The following RAB3C variants were observed in gnomAD, a reference collection of about 807,000 sequenced individuals.
RAB3C encodes ras-related protein Rab-3C.
RAB3C carries 17 observed loss-of-function variants against 26.4 expected under a neutral mutation model. The observed-to-expected ratio is 0.64, with a 90% CI of 0.44 to 0.97. RAB3C has a LOEUF of 0.97. Among genes scored for constraint, RAB3C ranks in the 50% least tolerant of loss-of-function variants. RAB3C has a pLI of 0.00. For missense variants in RAB3C, 242 were observed against 281.9 expected, an observed-to-expected ratio of 0.86 and a Z score of 1.01; for synonymous variants, 91 against 95.9, an observed-to-expected ratio of 0.95 and a Z score of 0.30.
chr5:58,758,616 T>C (rs1741726665), intron 3 of RAB3C, among the ~76,000 whole-genome samples: 1 of 152,180 alleles, frequency 6.6e-6, no homozygotes, highest in African/African-American at 2.4e-5. Context: ...CTTAGGGAAT[T>C]TGCAATCAAA....
rs1179971136 is a variant in RAB3C at position 58,854,156 on chromosome 5, A to G, written c.*2805A>G. Reference sequence around the variant, plus strand: ...AATGGCCTAACTAAATTTATATTTAAAAGAACAAGACTTTTAAAAAGTACA... The same window carrying G: ...AATGGCCTAACTAAATTTATATTTAGAAGAACAAGACTTTTAAAAAGTACA... On this transcript the variant is annotated 3_prime_UTR_variant, in exon 5 of 5. Coordinates refer to ENST00000282878, the MANE Select transcript of RAB3C (RefSeq NM_138453.4). The G allele has an allele frequency of 1.3e-5, 2 of 152,122 alleles. No homozygotes were observed. The highest frequency in any genetic ancestry group is 2.4e-5 in the African/African-American group (1 of 41,428). The allele number at this position is 152,122 out of a possible 1,614,324, so 9.4% of individuals were successfully genotyped here. A position where few individuals can be genotyped will look rare whatever the true frequency, so the allele number is the denominator to read the frequency against.
intron 3 of RAB3C, among the ~76,000 whole-genome samples, chr5:58,797,388 TATATATATAC>T (rs1561133601): frequency 2.8e-5 from 3 of 108,842 alleles, no homozygotes; most frequent in African/African-American, 6.9e-5. Context: ...TATATATATA[TATATATATAC>T]ACAGAGAGAG....
intron 2 of RAB3C, among the ~76,000 whole-genome samples, chr5:58,682,058 A>G (rs939950021): frequency 6.6e-6 from 1 of 152,180 alleles, no homozygotes. Context: ...ATTATCAAGA[A>G]GTGATATGTC....
chr5:58,623,670 T>C (rs1746981184), intron 2 of RAB3C, among the ~76,000 whole-genome samples: 1 of 152,234 alleles, frequency 6.6e-6, no homozygotes, highest in Non-Finnish European at 1.5e-5. Context: ...ACCACTCTTC[T>C]CAGCATTGAC....
intron 3 of RAB3C, among the ~76,000 whole-genome samples, chr5:58,820,241 T>G (rs1333064523): frequency 6.6e-6 from 1 of 151,658 alleles, no homozygotes; most frequent in Non-Finnish European, 1.5e-5. Context: ...TCTTTCAGAA[T>G]GCATGAAAGG....
In RAB3C at chr5:58,852,910, C is replaced by G. The variant is rs1352036406; in HGVS notation, c.*1559C>G. ...AGGCTTCCCATGAAAGTATTGGATG[C>G]AAATGAAACAGGCATACATCTAAAG... On this transcript the variant is annotated 3_prime_UTR_variant, in exon 5 of 5. Coordinates refer to ENST00000282878, the MANE Select transcript of RAB3C (RefSeq NM_138453.4). 1 of 152,068 alleles carries G rather than the reference C, an allele frequency of 6.6e-6. No individual in the cohort carries two copies. The highest frequency in any genetic ancestry group is 2.4e-5 in the African/African-American group (1 of 41,410). The allele number at this position is 152,068 out of a possible 1,614,324, so 9.4% of individuals were successfully genotyped here. A position where few individuals can be genotyped will look rare whatever the true frequency, so the allele number is the denominator to read the frequency against.
At chr5:58,629,970 C>T (rs984807744) in intron 2 of RAB3C, among the ~76,000 whole-genome samples, 4 of 152,138 alleles carry the variant, frequency 2.6e-5, no homozygotes, top group Non-Finnish European at 5.9e-5. Flanking sequence ...AGGTTGGTTT[C>T]CTGGGAAGGT....
intron 2 of RAB3C, among the ~76,000 whole-genome samples, chr5:58,657,052 C>T (rs1219176737): frequency 6.6e-6 from 1 of 152,160 alleles, no homozygotes; most frequent in African/African-American, 2.4e-5. Flanking sequence ...TACTGCTCAG[C>T]CATAAAAAGG....
At chr5:58,756,308 C>T (rs185388920) in intron 3 of RAB3C, among the ~76,000 whole-genome samples, 2,952 of 142,588 alleles carry the variant, frequency 0.021, 76 homozygotes, top group African/African-American at 0.071. Context: ...TCTTACTTAG[C>T]CCCAGTAGTT....
At chr5:58,628,692 T>G (rs1412000829) in intron 2 of RAB3C, among the ~76,000 whole-genome samples, 1 of 151,546 alleles carries the variant, frequency 6.6e-6, no homozygotes, top group East Asian at 1.9e-4. Context: ...GAGCACAGGG[T>G]AGGGTGAGAT....
intron 4 of RAB3C, among the ~76,000 whole-genome samples, chr5:58,825,524 T>C (rs1028267038): frequency 2.6e-5 from 4 of 152,180 alleles, no homozygotes; most frequent in African/African-American, 7.2e-5. Context: ...TGATTATTGT[T>C]CTCAAGTTTC....
chr5:58,593,944 T>C (rs748507657), intron 1 of RAB3C, among the ~76,000 whole-genome samples: 1 of 152,170 alleles, frequency 6.6e-6, no homozygotes, highest in Non-Finnish European at 1.5e-5. Flanking sequence ...CCACATTTTA[T>C]GCCTCCTTGG....
At chr5:58,686,144 T>C (rs1748440051) in intron 2 of RAB3C, among the ~76,000 whole-genome samples, 1 of 152,132 alleles carries the variant, frequency 6.6e-6, no homozygotes, top group African/African-American at 2.4e-5. Flanking sequence ...TTAATAGCAC[T>C]GGATGCTATT....
intron 3 of RAB3C, among the ~76,000 whole-genome samples, chr5:58,798,132 T>C (rs574780627): frequency 6.6e-6 from 1 of 152,026 alleles, no homozygotes; most frequent in East Asian, 1.9e-4. Flanking sequence ...CCAGCTAATA[T>C]AGGGAAAATG....
chr5:58,601,709 A>G (rs1746461641), intron 1 of RAB3C, among the ~76,000 whole-genome samples: 1 of 152,074 alleles, frequency 6.6e-6, no homozygotes, highest in Non-Finnish European at 1.5e-5. Flanking sequence ...TTAGTTTCTT[A>G]GTGAGATTAT....
At chr5:58,605,827 C>G (rs1156834253) in intron 1 of RAB3C, among the ~76,000 whole-genome samples, 1 of 152,160 alleles carries the variant, frequency 6.6e-6, no homozygotes, top group Non-Finnish European at 1.5e-5. Context: ...CTCGCTTACA[C>G]CCGGGAGGTA....
chr5:58,695,804 C>G (rs1467021641), intron 2 of RAB3C, among the ~76,000 whole-genome samples: 2 of 152,148 alleles, frequency 1.3e-5, no homozygotes, highest in African/African-American at 4.8e-5. Context: ...AGTTGCTTAT[C>G]AGCTTAAGGA....
In RAB3C at chr5:58,583,116, G is replaced by T; in HGVS notation, c.-93G>T. ...CCGGTTAGCGAACCCCAAGAGTGCA[G>T]AGTGTGGAGCGTGGAGCGCCGGGAC... On this transcript the variant is annotated 5_prime_UTR_variant, in exon 1 of 5. Transcript: ENST00000282878. 6.2e-7 allele frequency: 1 copy of T among 1,602,454 alleles called. No individual in the cohort carries two copies. The highest frequency in any genetic ancestry group is 8.5e-7 in the Non-Finnish European group (1 of 1,175,486).
At chr5:58,749,474 G>A (rs914390400) in intron 3 of RAB3C, among the ~76,000 whole-genome samples, 2 of 152,166 alleles carry the variant, frequency 1.3e-5, no homozygotes, top group South Asian at 2.1e-4. Context: ...CAATAAAAAT[G>A]TTAACAATAT....
Sources: allele counts gnomAD v4.1 joint callset (sites outside exome capture counted in the v4.1 genomes callset), GRCh38; gene constraint gnomAD v4.1.1; transcripts MANE v1.5; gene names NCBI Gene and HGNC (gene_info 2026-07-23, HGNC 2026-07-21).